DIP2A: variants seen among roughly 807,000 people sequenced by gnomAD.
The protein encoded by DIP2A is DIP2 acetate--CoA ligase A.
Under a neutral mutation model 177.4 loss-of-function variants are expected in DIP2A, and 85 were observed. The observed-to-expected ratio is 0.48, with a 90% CI of 0.40 to 0.57. The LOEUF (loss-of-function observed/expected upper bound fraction) is 0.57. DIP2A is among the 20% of genes least tolerant of loss of function. DIP2A has a pLI of 0.00. For missense variants in DIP2A, 1,791 were observed against 2,100.2 expected, an observed-to-expected ratio of 0.85 and a Z score of 2.88; for synonymous variants, 886 against 881.8, an observed-to-expected ratio of 1.00 and a Z score of -0.08.
chr21:46,549,996 G>A (rs1174755605), intron 22 of DIP2A, 111 bp downstream of exon 22: 6 of 1,544,508 alleles, frequency 3.9e-6, no homozygotes, highest in East Asian at 4.6e-5. Context: ...CCTGGCTCCA[G>A]CTTTGTTTAT....
the DIP2A span, among the ~76,000 whole-genome samples, chr21:46,578,091 A>G: frequency 2.6e-5 from 4 of 152,172 alleles, no homozygotes; most frequent in Admixed American, 2.0e-4. Context: ...AGGTGGGTGG[A>G]TCACGAGGTC....
intron 6 of DIP2A, among the ~76,000 whole-genome samples, chr21:46,508,579 C>T (rs1483063503): frequency 1.3e-5 from 2 of 149,572 alleles, no homozygotes; most frequent in African/African-American, 4.9e-5. Flanking sequence ...AGGATGGTCT[C>T]GATCTCCTGA....
chr21:46,549,896 C>G lies in DIP2A; in HGVS notation c.2637+11C>G. On this transcript the variant is annotated intron_variant, in intron 22 of 37. Coordinates refer to ENST00000417564, the MANE Select transcript of DIP2A (RefSeq NM_015151.4). Reference sequence around the variant, plus strand: ...AGCCGTGTGCTGCAGGTGGGCGCCCCGGCACGGCCTATGGTTCGGTGAATC... The same window carrying G: ...AGCCGTGTGCTGCAGGTGGGCGCCCGGGCACGGCCTATGGTTCGGTGAATC... The G allele has an allele frequency of 6.2e-7, 1 of 1,609,024 alleles. No individual in the cohort carries two copies. Among genetic ancestry groups the G allele is most frequent in the Non-Finnish European group, 8.5e-7 (1 of 1,179,808 alleles).
intron 8 of DIP2A, among the ~76,000 whole-genome samples, chr21:46,522,827 C>T (rs775387381): frequency 1.3e-5 from 2 of 152,148 alleles, no homozygotes; most frequent in African/African-American, 2.4e-5. Context: ...TGTGGCTCCT[C>T]CTCTGTTTCC....
intron 25 of DIP2A, chr21:46,553,470 TTC>T (rs2060345765): frequency 6.6e-6 from 1 of 152,174 alleles, no homozygotes; most frequent in African/African-American, 2.4e-5. Context: ...TACCAGGTAT[TTC>T]TGTTTGCCTT....
intron 8 of DIP2A, among the ~76,000 whole-genome samples, chr21:46,514,607 A>T (rs6518298): frequency 1 from 135,181 of 135,208 alleles, 67,577 homozygotes; most frequent in Middle Eastern, 1. Flanking sequence ...CCAATACTTA[A>T]ACTTTTATTC....
In DIP2A at chr21:46,551,795, G is replaced by A. The variant is rs778156152; in HGVS notation, c.2950-29G>A. 38 of 1,612,724 alleles carry A rather than the reference G, an allele frequency of 2.4e-5. 1 individual carries two copies. Among genetic ancestry groups the A allele is most frequent in the Middle Eastern group, 3.3e-4 (2 of 6,080 alleles). On this transcript the variant is annotated intron_variant, in intron 24 of 37. Transcript: ENST00000417564. ...GGACGGGTGTCTGTGCCCCGGAGGC[G>A]CCAGTGAGCAAGTCGCCCTCTCGTG...
chr21:46,487,573 T>C (rs1259006427), intron 2 of DIP2A, among the ~76,000 whole-genome samples: 1 of 152,228 alleles, frequency 6.6e-6, no homozygotes, highest in Non-Finnish European at 1.5e-5. Flanking sequence ...ATAGGTGATA[T>C]TATTTTATAC....
intron 3 of DIP2A, among the ~76,000 whole-genome samples, chr21:46,495,691 T>G (rs1315722840): frequency 4.6e-5 from 7 of 152,120 alleles, no homozygotes; most frequent in Admixed American, 4.6e-4. Context: ...TACTGCACCT[T>G]GGAACTCCTG....
intron 32 of DIP2A, 30 bp from the exon 33 acceptor site, chr21:46,560,692 A>G: frequency 6.3e-7 from 1 of 1,594,022 alleles, no homozygotes; most frequent in South Asian, 1.1e-5. Context: ...AGGCCCCTGA[A>G]CAGAAGTTCC....
chr21:46,464,000 G>A (rs1246050408), intron 1 of DIP2A, among the ~76,000 whole-genome samples: 1 of 151,514 alleles, frequency 6.6e-6, no homozygotes, highest in Non-Finnish European at 1.5e-5. Flanking sequence ...GAGCCATCGC[G>A]CCTGGCCCAT....
chr21:46,506,717 T>G (rs558400641), intron 6 of DIP2A, among the ~76,000 whole-genome samples: 63 of 67,296 alleles, frequency 9.4e-4, no homozygotes, highest in African/African-American at 2.8e-3. Context: ...TTTTTAATTG[T>G]GCTTGTTTTT....
Position 46,538,521 on chromosome 21 carries a change from T to C in DIP2A, c.1840T>C (p.Ser614Pro). Reference sequence around the variant, plus strand: ...GGTGAAGTCGCGAGACATGCACTGGTCTCTCCTAGCTCAGCGGGGCCAGAG... The same window carrying C: ...GGTGAAGTCGCGAGACATGCACTGGCCTCTCCTAGCTCAGCGGGGCCAGAG... ...ALVKSRDMHW[S>P]LLAQRGQRDV... The change falls in exon 16 of 38, where the codon TCT becomes CCT. Residue 614 changes from serine to proline, a missense_variant. Ser to Pro is a moderately conservative substitution (Grantham distance 74, BLOSUM62 -1). Transcript: ENST00000417564. 6.4e-7 allele frequency: 1 copy of C among 1,557,990 alleles called. No individual in the cohort carries two copies. Among genetic ancestry groups the C allele is most frequent in the Non-Finnish European group, 8.7e-7 (1 of 1,153,862 alleles).
chr21:46,511,738 G>T lies in DIP2A; in HGVS notation c.1102+124G>T, dbSNP rs1052106846. 57 of 1,080,112 alleles carry T rather than the reference G, an allele frequency of 5.3e-5. No individual in the cohort carries two copies. The African/African-American group carries it at 8.8e-4, about 17-fold the overall frequency. 66.9% of individuals were successfully genotyped at this position (1,080,112 alleles called of 1,614,324 possible). A position where few individuals can be genotyped will look rare whatever the true frequency, so the allele number is the denominator to read the frequency against. ...AACCAGCACAGCTGGCAGATAAATA[G>T]AACATTGACCTATACCAGGTACCCA... On this transcript the variant is annotated intron_variant, in intron 8 of 37. Transcript: ENST00000417564.
chr21:46,463,096 GAGT>G (rs1468444090), intron 1 of DIP2A: 1 of 152,238 alleles, frequency 6.6e-6, no homozygotes, highest in Non-Finnish European at 1.5e-5. Context: ...TGAAGATGAA[GAGT>G]AGAAGTACAT....
intron 21 of DIP2A, 53 bp downstream of exon 21, chr21:46,547,095 G>A (rs754453208): frequency 1.4e-4 from 223 of 1,593,130 alleles, no homozygotes; most frequent in Middle Eastern, 1.7e-4. Flanking sequence ...TTTGCAGCTC[G>A]GGAAGTCTTT....
At chr21:46,503,192 A>G (rs773991302) in intron 5 of DIP2A, among the ~76,000 whole-genome samples, 3 of 152,024 alleles carry the variant, frequency 2.0e-5, no homozygotes, top group African/African-American at 2.4e-5. Flanking sequence ...GTGTGGTGGC[A>G]CATGCCTGTA....
In DIP2A at chr21:46,555,262, G is replaced by A. The variant is rs1205633231; in HGVS notation, c.3388+329G>A. 3.9e-5 allele frequency among the ~76,000 whole-genome samples: 6 copies of A among 152,342 alleles called. No homozygotes were observed. In the East Asian group the frequency reaches 5.8e-4, roughly 15 times the overall value. The stretch of plus-strand genomic sequence containing the variant: ...ACGCTTTGAGGACACAGCTCCCACC[G>A]CATGCCGCCACTCCAGCATCCCTGT... On this transcript the variant is annotated intron_variant, in intron 28 of 37. Transcript: ENST00000417564.
At position 46,551,685 on chromosome 21, in the gene DIP2A, T is replaced by C; in HGVS notation, c.2891T>C (p.Ile964Thr). Reference sequence around the variant, plus strand: ...GGGAACCTGGTTGCTGGGAAGAGAATCGCTCAGGCTTCCGGGAGAGAGCTC... The same window carrying C: ...GGGAACCTGGTTGCTGGGAAGAGAACCGCTCAGGCTTCCGGGAGAGAGCTC... The part of the protein sequence containing the change: ...IVGNLVAGKR[I>T]AQASGRELAH... Residue 964 changes from isoleucine to threonine, a missense_variant, in exon 24 of 38, where the codon ATC (isoleucine) becomes ACC (threonine). By Grantham distance (89) the Ile-to-Thr change is moderately conservative (BLOSUM62 -1). Transcript: ENST00000417564. 6.2e-7 allele frequency: 1 copy of C among 1,613,948 alleles called. No individual in the cohort carries two copies.
Sources: allele counts gnomAD v4.1 joint callset (sites outside exome capture counted in the v4.1 genomes callset), GRCh38; gene constraint gnomAD v4.1.1; transcripts MANE v1.5; gene names NCBI Gene and HGNC (gene_info 2026-07-23, HGNC 2026-07-21).